The following BCAR3 variants were observed in gnomAD, a reference collection of about 807,000 sequenced individuals.
BCAR3 encodes BCAR3 adaptor protein, NSP family member, also known as breast cancer anti-estrogen resistance protein 3.
In BCAR3, 37 loss-of-function variants were observed where a neutral mutation model predicts 80.1. The observed-to-expected ratio is 0.46, with a 90% CI of 0.36 to 0.61. BCAR3 has a LOEUF of 0.61. BCAR3 is among the 20% of genes least tolerant of loss of function. The probability of loss-of-function intolerance (pLI) is 0.00; values close to 1 mark genes in which losing one functional copy is unlikely to be tolerated. For synonymous variants in BCAR3, 389 were observed against 418.9 expected, an observed-to-expected ratio of 0.93 and a Z score of 0.87; for missense variants, 978 against 1,068.2, an observed-to-expected ratio of 0.92 and a Z score of 1.18.
chr1:93,691,153 C>T (rs1649172252), intron 3 of BCAR3, among the ~76,000 whole-genome samples: 1 of 152,194 alleles, frequency 6.6e-6, no homozygotes, highest in Admixed American at 6.5e-5. Context: ...GAAGGTGAGA[C>T]ATTCTAATTC....
chr1:93,705,187 G>A (rs1649791191), intron 3 of BCAR3, among the ~76,000 whole-genome samples: 1 of 152,128 alleles, frequency 6.6e-6, no homozygotes, highest in Admixed American at 6.6e-5. Flanking sequence ...GTTTCTGCGT[G>A]GAAAAGAACT....
chr1:93,678,010 A>T (rs1011904), intron 1 of BCAR3, among the ~76,000 whole-genome samples: 43,487 of 152,154 alleles, frequency 0.29, 9,078 homozygotes, highest in African/African-American at 0.6. Flanking sequence ...GGCTTCTTCA[A>T]GCCTATAAGG....
intron 2 of BCAR3, among the ~76,000 whole-genome samples, chr1:93,788,432 T>C (rs1163073857): frequency 6.6e-6 from 1 of 152,204 alleles, no homozygotes; most frequent in Admixed American, 6.5e-5. Context: ...AAGGAGATTC[T>C]ATTTTGGTGT....
Position 93,582,312 on chromosome 1 carries a change from T to C in BCAR3, c.1675A>G (p.Met559Val). The C allele has an allele frequency of 1.2e-6, 2 of 1,613,798 alleles. No individual in the cohort carries two copies. The highest frequency in any genetic ancestry group is 8.5e-7 in the Non-Finnish European group (1 of 1,179,722). ...CCCCCAGCGCTTACCCTGCAGTCCA[T>C]GCTCAGTACGTGCTGGGCGATGACC... is the stretch of plus-strand genomic sequence containing the variant. ...PKVIAQHVLSMDCRVARILGV... is the reference protein window; with the variant it reads ...PKVIAQHVLSVDCRVARILGV... The change falls in exon 7 of 12, where the codon ATG (methionine) becomes GTG (valine). Residue 559 changes from methionine (M) to valine (V), a missense_variant. By Grantham distance (21) the Met-to-Val change is conservative (BLOSUM62 1). Transcript: ENST00000260502.
chr1:93,666,485 C>A (rs953570175), intron 2 of BCAR3, among the ~76,000 whole-genome samples: 1 of 152,184 alleles, frequency 6.6e-6, no homozygotes, highest in Non-Finnish European at 1.5e-5. Context: ...TGTACCTCCT[C>A]ATTTTGTAGT....
At chr1:93,746,578 C>T (rs11811077) in intron 2 of BCAR3, among the ~76,000 whole-genome samples, 2,799 of 152,252 alleles carry the variant, frequency 0.018, 81 homozygotes, top group African/African-American at 0.064. Flanking sequence ...CGGGCATCCT[C>T]GGTGAACACA....
chr1:93,760,655 G>A (rs1158494472), intron 2 of BCAR3, among the ~76,000 whole-genome samples: 1 of 152,040 alleles, frequency 6.6e-6, no homozygotes, highest in South Asian at 2.1e-4. Flanking sequence ...ACTAGGAAGT[G>A]TAAGGAAACT....
At chr1:93,821,790 C>G (rs570383881) in intron 2 of BCAR3, among the ~76,000 whole-genome samples, 49 of 152,254 alleles carry the variant, frequency 3.2e-4, no homozygotes, top group African/African-American at 1.1e-3. Flanking sequence ...GAAGTAGGTA[C>G]TATTATTAGA....
At chr1:93,563,697 A>T (rs887568686) in intron 11 of BCAR3, among the ~76,000 whole-genome samples, 1 of 151,852 alleles carries the variant, frequency 6.6e-6, no homozygotes, top group African/African-American at 2.4e-5. Context: ...ATCATTTTTT[A>T]TTTTTATTTT....
At chr1:93,588,915 G>A (rs1295534537) in intron 5 of BCAR3, 62 bp downstream of exon 5, 27 of 1,452,254 alleles carry the variant, frequency 1.9e-5, no homozygotes, top group African/African-American at 5.7e-5. Flanking sequence ...TTCTTCACCT[G>A]CCTAACTAAC....
intron 2 of BCAR3, among the ~76,000 whole-genome samples, chr1:93,780,427 G>C (rs11800779): frequency 0.13 from 20,498 of 152,130 alleles, 2,163 homozygotes; most frequent in African/African-American, 0.28. Flanking sequence ...AAACTCTTCT[G>C]TCACATTTCC....
At chr1:93,572,460 A>G (rs1241330258) in intron 8 of BCAR3, among the ~76,000 whole-genome samples, 1 of 152,216 alleles carries the variant, frequency 6.6e-6, no homozygotes, top group Non-Finnish European at 1.5e-5. Flanking sequence ...GTAAGGCCAG[A>G]CCCTAATAAA....
At chr1:93,562,477 T>C in intron 11 of BCAR3, 58 bp from the exon 12 acceptor site, 6 of 1,555,912 alleles carry the variant, frequency 3.9e-6, no homozygotes, top group African/African-American at 2.7e-5. Flanking sequence ...GTGTTAAAAA[T>C]AGACTGAAAG....
chr1:93,685,009 C>T (rs1053253613), upstream of BCAR3, among the ~76,000 whole-genome samples: 2 of 152,154 alleles, frequency 1.3e-5, no homozygotes, highest in Non-Finnish European at 1.5e-5. Context: ...GGATTATAGG[C>T]GTGAGCCACT....
intron 5 of BCAR3, among the ~76,000 whole-genome samples, chr1:93,584,559 A>G (rs896040178): frequency 3.9e-5 from 6 of 152,254 alleles, no homozygotes; most frequent in African/African-American, 1.2e-4. Flanking sequence ...GCAGTTAGGA[A>G]GGAAGCTGTG....
intron 2 of BCAR3, among the ~76,000 whole-genome samples, chr1:93,754,655 G>A (rs11164979): frequency 0.12 from 17,815 of 152,036 alleles, 1,470 homozygotes; most frequent in African/African-American, 0.22. Context: ...TGGTAACATC[G>A]CAGTGCAGTG....
At chr1:93,649,722 G>A (rs1489762936) in intron 2 of BCAR3, among the ~76,000 whole-genome samples, 1 of 151,918 alleles carries the variant, frequency 6.6e-6, no homozygotes, top group Non-Finnish European at 1.5e-5. Context: ...ATGACGAATA[G>A]ACCAGCAGAT....
At chr1:93,733,594 G>C (rs1650871676) in intron 2 of BCAR3, among the ~76,000 whole-genome samples, 2 of 152,196 alleles carry the variant, frequency 1.3e-5, no homozygotes, top group African/African-American at 4.8e-5. Context: ...CAGACAAAAG[G>C]CACAGTGTAA....
At chr1:93,708,187 G>A (rs1269326607) in intron 2 of BCAR3, among the ~76,000 whole-genome samples, 1 of 152,168 alleles carries the variant, frequency 6.6e-6, no homozygotes, top group Non-Finnish European at 1.5e-5. Flanking sequence ...AAAAGAGTAA[G>A]TTGAGAACTT....
Sources: allele counts gnomAD v4.1 joint callset (sites outside exome capture counted in the v4.1 genomes callset), GRCh38; gene constraint gnomAD v4.1.1; transcripts MANE v1.5; gene names NCBI Gene and HGNC (gene_info 2026-07-23, HGNC 2026-07-21).